BRME1: variants seen among roughly 807,000 people sequenced by gnomAD.
BRME1 encodes the protein BRCA2 and MEILB2-associating protein 1.
In BRME1, 31 loss-of-function variants were observed where a neutral mutation model predicts 52.6. The observed-to-expected ratio is 0.59, with a 90% confidence interval of 0.44 to 0.80. The LOEUF is 0.80. BRME1 is among the 30% of genes least tolerant of loss of function. The probability of loss-of-function intolerance (pLI) is 0.00; values close to 1 mark genes in which losing one functional copy is unlikely to be tolerated. For synonymous variants in BRME1, 359 were observed against 353.6 expected, an observed-to-expected ratio of 1.02 and a Z score of -0.17; for missense variants, 804 against 860.3, an observed-to-expected ratio of 0.93 and a Z score of 0.82.
intron 2 of BRME1, among the ~76,000 whole-genome samples, chr19:13,903,916 C>T (rs767482729): frequency 1.3e-5 from 2 of 152,096 alleles, no homozygotes; most frequent in Non-Finnish European, 2.9e-5. Context: ...ACCGAGTGGC[C>T]TTGTAGTACA....
chr19:13,890,122 TC>T lies in BRME1; in HGVS notation c.733del (p.Glu245ArgfsTer98). 6.2e-7 allele frequency: 1 copy of T among 1,614,116 alleles called. No individual in the cohort carries two copies. Among genetic ancestry groups the T allele is most frequent in the Non-Finnish European group, 8.5e-7 (1 of 1,180,008 alleles). On this transcript the variant is annotated frameshift_variant, in exon 6 of 9. Transcript: ENST00000586783. LOFTEE classifies it high-confidence loss of function. ...CTGGGGGGCTCCTCTGTCTGGCTTC[TC>T]CCCTTCAGAATCAATGCTTGGTAGG... ...EHLPSIDSEG[E>X]KPDRGAPQEG...
Position 13,893,177 on chromosome 19 carries a change from G to T in BRME1, c.253C>A (p.Pro85Thr), listed in dbSNP as rs369583338. The T allele has an allele frequency of 2.2e-5, 35 of 1,594,006 alleles. No individual in the cohort carries two copies. The highest frequency in any genetic ancestry group is 2.2e-5 in the East Asian group (1 of 44,558). Residue 85 changes from proline (P) to threonine (T), a missense_variant, in exon 4 of 9, where the codon CCA becomes ACA. Pro to Thr is a conservative substitution (Grantham distance 38, BLOSUM62 -1). This residue lies in a region of BRME1 where 234 missense variants were observed against 258.1 expected (regional missense o/e 0.91). Transcript: ENST00000586783. ...TGSPCRLLRQ[P>T]EKEPAPLPPS... ...GGAAGGGGAGCTGGCTCCTTTTCTG[G>T]TTGACGGAGGAGCCGGCAGGGAGAT...
At chr19:13,897,051 T>C (rs1295752630) in intron 2 of BRME1, among the ~76,000 whole-genome samples, 3 of 151,150 alleles carry the variant, frequency 2.0e-5, no homozygotes, top group Non-Finnish European at 4.4e-5. Flanking sequence ...TTTTTTTTTT[T>C]TTTTTTGAGA....
rs757389709 is a variant in BRME1, at chr19:13,890,344, C to T, written c.512G>A (p.Arg171His). 7.6e-6 allele frequency: 12 copies of T among 1,582,234 alleles called. No individual in the cohort carries two copies. Among genetic ancestry groups the T allele is most frequent in the East Asian group, 4.5e-5 (2 of 44,702 alleles). The change falls in exon 6 of 9, where the codon CGC becomes CAC. Residue 171 changes from arginine (R) to histidine (H), a missense_variant. By Grantham distance (29) the Arg-to-His change is conservative. Transcript: ENST00000586783. ...AGGGCTCTGGCTGCTCTGCTCAGGG[C>T]GGGCACTGTCTGCCTGCGTTGGGTC... ...LGDPTQADSA[R>H]PEQSSQSPVQ...
At chr19:13,891,251 G>A (rs1009598291) in intron 5 of BRME1, among the ~76,000 whole-genome samples, 4 of 151,456 alleles carry the variant, frequency 2.6e-5, no homozygotes, top group East Asian at 1.9e-4. Context: ...CCGGGTTCAC[G>A]CAATTCTCCT....
At position 13,889,211 on chromosome 19, in the gene BRME1, C is replaced by CA. The variant is rs777610998; in HGVS notation, c.1644dup (p.Asp549Ter). On this transcript the variant is annotated frameshift_variant, in exon 6 of 9. Transcript: ENST00000586783. LOFTEE classifies it high-confidence loss of function. ...ACCTGCTCAGGTGGGGCTTCGAAGT[C>CA]AGAGGCGTCCAGGGCATCCTGTATC... The CA allele has an allele frequency of 1.9e-6, 3 of 1,597,608 alleles. No individual in the cohort carries two copies. The East Asian group carries it at 6.7e-5, about 36-fold the overall frequency.
chr19:13,898,572 T>C (rs1218028305), intron 2 of BRME1, among the ~76,000 whole-genome samples: 1 of 151,904 alleles, frequency 6.6e-6, no homozygotes, highest in African/African-American at 2.4e-5. Context: ...ATTGTGCCAC[T>C]GCACTCTGGC....
In BRME1 at chr19:13,883,097, GTAGCA is replaced by G; in HGVS notation, c.1857-150_1857-146del. ...TGCACATAACCAGAAAGGGCCTGTTGTAGCACAGGCTGGGCCTGTTGCAGCCTTTC... is the reference window on the plus strand; with the variant it reads ...TGCACATAACCAGAAAGGGCCTGTTGCAGGCTGGGCCTGTTGCAGCCTTTC... On this transcript the variant is annotated intron_variant, in intron 8 of 8. Transcript: ENST00000586783. This position sits in a 1 kb window ranked among gnomAD's most constrained non-coding sequence, Gnocchi z 4.2. The G allele has an allele frequency of 1.0e-5, 7 of 676,306 alleles. No homozygotes were observed. Among genetic ancestry groups the G allele is most frequent in the Admixed American group, 4.2e-5 (1 of 23,564 alleles). 41.9% of individuals were successfully genotyped at this position (676,306 alleles called of 1,614,324 possible).
chr19:13,887,328 C>T (rs1401506720), intron 6 of BRME1, among the ~76,000 whole-genome samples: 2 of 152,218 alleles, frequency 1.3e-5, no homozygotes, highest in Non-Finnish European at 2.9e-5. Flanking sequence ...GGGAACGCCT[C>T]GTGTCAAAGC....
chr19:13,883,295 G>T lies in BRME1; in HGVS notation c.1856+13C>A. ...CGCAGACCCTGTGCCGTGAGTCCAA[G>T]CCCACCCCGTACTTCAGGTTGGAGA... is the stretch of plus-strand genomic sequence containing the variant. On this transcript the variant is annotated intron_variant, in intron 8 of 8. Transcript: ENST00000586783. This position sits in a 1 kb window ranked among gnomAD's most constrained non-coding sequence, Gnocchi z 4.2. 6.5e-7 allele frequency: 1 copy of T among 1,529,826 alleles called. No homozygotes were observed. The highest frequency in any genetic ancestry group is 1.2e-5 in the South Asian group (1 of 83,922). 94.8% of individuals were successfully genotyped at this position (1,529,826 alleles called of 1,614,324 possible).
intron 5 of BRME1, among the ~76,000 whole-genome samples, chr19:13,891,799 G>A (rs891225518): frequency 8.6e-5 from 13 of 151,114 alleles, no homozygotes; most frequent in African/African-American, 2.7e-4. Flanking sequence ...TAGCCTGGAC[G>A]CAGTGGCTCA....
intron 5 of BRME1, among the ~76,000 whole-genome samples, chr19:13,890,719 T>C (rs987136188): frequency 6.6e-6 from 1 of 151,866 alleles, no homozygotes; most frequent in Non-Finnish European, 1.5e-5. Context: ...ATACAAAAAT[T>C]AGCCAGGCAT....
At chr19:13,890,564 AC>A in intron 5 of BRME1, 102 bp from the exon 6 acceptor site, 1 of 1,202,206 alleles carries the variant, frequency 8.3e-7, no homozygotes. Flanking sequence ...TTTTGTCATT[AC>A]TTTTAATGGC....
intron 2 of BRME1, among the ~76,000 whole-genome samples, chr19:13,897,040 C>G (rs1432280838): frequency 7.5e-6 from 1 of 133,344 alleles, no homozygotes; most frequent in African/African-American, 2.9e-5. Context: ...TACATCGAAA[C>G]TTTTTTTTTT....
rs1310276906 is a variant in BRME1, at chr19:13,890,470, C to T, written c.394-8G>A. Reference sequence around the variant, plus strand: ...GGACTCTGCGATTGTTTCCTGTGGACAGAAAAAGACTCAGCCCCGGGGCCT... The same window carrying T: ...GGACTCTGCGATTGTTTCCTGTGGATAGAAAAAGACTCAGCCCCGGGGCCT... On this transcript the variant is annotated splice_polypyrimidine_tract_variant and splice_region_variant and intron_variant, in intron 5 of 8. Coordinates refer to ENST00000586783, the MANE Select transcript of BRME1 (RefSeq NM_001345843.2). The T allele has an allele frequency of 2.7e-6, 4 of 1,479,836 alleles. No individual in the cohort carries two copies. Among genetic ancestry groups the T allele is most frequent in the Non-Finnish European group, 3.6e-6 (4 of 1,121,522 alleles). 91.7% of individuals were successfully genotyped at this position (1,479,836 alleles called of 1,614,324 possible). A position where few individuals can be genotyped will look rare whatever the true frequency, so the allele number is the denominator to read the frequency against.
Position 13,888,299 on chromosome 19 carries a change from G to C in BRME1, c.1668+889C>G, listed in dbSNP as rs1969184149. 1 of 152,226 alleles carries C rather than the reference G, an allele frequency of 6.6e-6. No homozygotes were observed. Among genetic ancestry groups the C allele is most frequent in the African/African-American group, 2.4e-5 (1 of 41,396 alleles). The allele number at this position is 152,226 out of a possible 1,614,324, so 9.4% of individuals were successfully genotyped here. A position where few individuals can be genotyped will look rare whatever the true frequency, so the allele number is the denominator to read the frequency against. On this transcript the variant is annotated intron_variant, in intron 6 of 8. Transcript: ENST00000586783. The surrounding 1 kb of genome is among the most constrained non-coding windows in gnomAD (Gnocchi z 4.1). Reference sequence around the variant, plus strand: ...AAAGCAAATTGGACTCTGCGTTCCAGGACGCGGCGGCTGGGGCATGACCTG... The same window carrying C: ...AAAGCAAATTGGACTCTGCGTTCCACGACGCGGCGGCTGGGGCATGACCTG...
intron 2 of BRME1, 111 bp from the exon 3 acceptor site, chr19:13,895,657 TC>T (rs1969839084): frequency 1.1e-6 from 1 of 894,448 alleles, no homozygotes; most frequent in Non-Finnish European, 1.7e-6. Flanking sequence ...AGGGGCCGAA[TC>T]CATTTCACTC....
chr19:13,885,890 C>T (rs560644008), intron 7 of BRME1, 71 bp downstream of exon 7: 33 of 1,375,160 alleles, frequency 2.4e-5, no homozygotes, highest in Non-Finnish European at 3.1e-5. Context: ...GGTCTGTCTC[C>T]TCCATCTGTC....
intron 2 of BRME1, among the ~76,000 whole-genome samples, chr19:13,904,218 C>T (rs1359310127): frequency 6.6e-6 from 1 of 152,048 alleles, no homozygotes; most frequent in Non-Finnish European, 1.5e-5. Flanking sequence ...ATCTTCCTGC[C>T]TCAACCTCCT....
Sources: allele counts gnomAD v4.1 joint callset (sites outside exome capture counted in the v4.1 genomes callset), GRCh38; gene constraint gnomAD v4.1.1; regional missense constraint gnomAD v4.1.1; non-coding constraint Gnocchi (gnomAD v3.1); transcripts MANE v1.5; gene names NCBI Gene and HGNC (gene_info 2026-07-23, HGNC 2026-07-21).